Variants in LGALS13 observed in about 807,000 individuals in gnomAD.
LGALS13 encodes galactoside-binding soluble lectin 13.
A neutral mutation model predicts 13.2 loss-of-function variants in LGALS13; 11 were observed. The ratio of observed to expected loss-of-function variants is 0.83; its 90% CI spans 0.52 to 1.38. LGALS13 has a LOEUF of 1.38. Ranked by LOEUF, LGALS13 falls within the 40% of genes most tolerant of loss-of-function variation. The probability of loss-of-function intolerance (pLI) is 0.00; values close to 1 mark genes in which losing one functional copy is unlikely to be tolerated. For synonymous variants in LGALS13, 71 were observed against 63.7 expected (o/e 1.11, Z -0.54); for missense variants, 183 against 174.3 (o/e 1.05, Z -0.28).
intron 3 of LGALS13, 98 bp from the exon 4 acceptor site, chr19:39,607,125 T>A (rs1972702597): frequency 2.4e-6 from 2 of 845,278 alleles, no homozygotes; most frequent in Non-Finnish European, 4.2e-6. Flanking sequence ...ACTAGGAATT[T>A]TCTTGGGGAA....
rs766110151 is a variant in LGALS13 at position 39,602,531 on chromosome 19, T to A, written c.-38T>A. 1 of 1,609,634 alleles carries A rather than the reference T, an allele frequency of 6.2e-7. No individual in the cohort carries two copies. ...CAACTCAGAGATTCACTCAGAAGAC[T>A]GGACTCAATTCTGAAGGTCGCCAAG... On this transcript the variant is annotated 5_prime_UTR_variant, in exon 1 of 4. Transcript: ENST00000221797.
chr19:39,605,347 C>A lies in LGALS13; in HGVS notation c.262C>A (p.Gln88Lys). Residue 88 changes from glutamine to lysine, a missense_variant, in exon 3 of 4, where the codon CAA (glutamine) becomes AAA (lysine). Physicochemically the swap from Gln to Lys is moderately conservative, Grantham distance 53. Coordinates refer to ENST00000221797, the MANE Select transcript of LGALS13 (RefSeq NM_013268.3). The part of the protein sequence containing the change: ...TDYVPFEDGK[Q>K]FELCIYVHYN... ...CTACGTGCCCTTTGAGGATGGCAAA[C>A]AATTTGAGCTGTGCATCTACGTACA... 3 of 1,614,144 alleles carry A rather than the reference C, an allele frequency of 1.9e-6. No individual in the cohort carries two copies. The South Asian group carries it at 3.3e-5, about 18-fold the overall frequency.
chr19:39,602,730 T>C, intron 1 of LGALS13, 147 bp downstream of exon 1: 1 of 827,160 alleles, frequency 1.2e-6, no homozygotes, highest in Non-Finnish European at 2.1e-6. Flanking sequence ...ACCCTGAGGC[T>C]ATGGTATCTG....
At chr19:39,605,448 C>T (rs76628696) in intron 3 of LGALS13, 60 bp downstream of exon 3, 86 of 1,401,706 alleles carry the variant, frequency 6.1e-5, no homozygotes, top group Non-Finnish European at 8.7e-5. Context: ...CAGGAGGCAG[C>T]TCTCATTGAT....
rs1972707923 is a variant in LGALS13 at position 39,607,323 on chromosome 19, T to C, written c.404T>C (p.Val135Ala). ...TCGAGAGATATCTCCCTGACCTCAG[T>C]GTGTGTCTGCAATTGAGGGAGATGA... ...QVSRDISLTS[V>A]CVCN The change falls in exon 4 of 4, where the codon GTG becomes GCG. Residue 135 changes from valine (V) to alanine (A), a missense_variant. By Grantham distance (64) the Val-to-Ala change is moderately conservative (BLOSUM62 0). Transcript: ENST00000221797. The C allele has an allele frequency of 1.2e-6, 2 of 1,610,168 alleles. No individual in the cohort carries two copies. The highest frequency in any genetic ancestry group is 1.3e-5 in the African/African-American group (1 of 74,970).
intron 1 of LGALS13, among the ~76,000 whole-genome samples, chr19:39,603,286 G>T (rs923632800): frequency 6.6e-6 from 1 of 151,968 alleles, no homozygotes; most frequent in African/African-American, 2.4e-5. Flanking sequence ...GGGGGTGATG[G>T]TTCCTCAGGT....
intron 1 of LGALS13, 45 bp from the exon 2 acceptor site, chr19:39,604,557 T>C: frequency 1.9e-6 from 3 of 1,605,038 alleles, no homozygotes; most frequent in Non-Finnish European, 2.6e-6. Flanking sequence ...GAGGGGAGAC[T>C]GCACCTGACC....
intron 1 of LGALS13, 123 bp downstream of exon 1, chr19:39,602,706 G>T (rs1369831097): frequency 6.2e-6 from 6 of 973,290 alleles, no homozygotes; most frequent in South Asian, 1.3e-5. Context: ...GAGCTATTGA[G>T]GTGTGGAATA....
chr19:39,603,161 G>A (rs997406726), intron 1 of LGALS13, among the ~76,000 whole-genome samples: 1 of 152,148 alleles, frequency 6.6e-6, no homozygotes, highest in African/African-American at 2.4e-5. Flanking sequence ...TAACTGGTGG[G>A]GATCTTGGGG....
Position 39,605,343 on chromosome 19 carries a change from CA to C in LGALS13, c.261del (p.Lys87AsnfsTer16). ...TTDYVPFEDG[K>X]QFELCIYVHY... ...CAGACTACGTGCCCTTTGAGGATGG[CA>C]AACAATTTGAGCTGTGCATCTACGT... On this transcript the variant is annotated frameshift_variant, in exon 3 of 4. Coordinates refer to ENST00000221797, the MANE Select transcript of LGALS13 (RefSeq NM_013268.3). LOFTEE classifies it low-confidence loss of function (END_TRUNC). 1 of 1,614,142 alleles carries C rather than the reference CA, an allele frequency of 6.2e-7. No individual in the cohort carries two copies. Among genetic ancestry groups the C allele is most frequent in the Non-Finnish European group, 8.5e-7 (1 of 1,180,026 alleles).
At chr19:39,603,059 G>T (rs1285310747) in intron 1 of LGALS13, among the ~76,000 whole-genome samples, 1 of 152,190 alleles carries the variant, frequency 6.6e-6, no homozygotes, top group Non-Finnish European at 1.5e-5. Flanking sequence ...GGATGTGACT[G>T]TATGTTGAAG....
Position 39,604,636 on chromosome 19 carries a change from G to A in LGALS13, c.50G>A (p.Gly17Asp), listed in dbSNP as rs1291087012. The change falls in exon 2 of 4, where the codon GGT becomes GAT. Residue 17 changes from glycine (G) to aspartate (D), a missense_variant. Physicochemically the swap from Gly to Asp is moderately conservative, Grantham distance 94 (BLOSUM62 -1). Coordinates refer to ENST00000221797, the MANE Select transcript of LGALS13 (RefSeq NM_013268.3). ...AAACTGCCTGTGTCTTTGTCTGTTG[G>A]TTCCTGCGTGATAATCAAAGGGACA... Reference protein sequence around the residue: ...PYKLPVSLSVGSCVIIKGTPI... With the variant: ...PYKLPVSLSVDSCVIIKGTPI... 4 of 1,614,192 alleles carry A rather than the reference G, an allele frequency of 2.5e-6. No individual in the cohort carries two copies. Among genetic ancestry groups the A allele is most frequent in the Non-Finnish European group, 3.4e-6 (4 of 1,180,044 alleles).
chr19:39,602,661 A>G, intron 1 of LGALS13, 78 bp downstream of exon 1: 1 of 1,398,602 alleles, frequency 7.2e-7, no homozygotes, highest in Non-Finnish European at 1.0e-6. Flanking sequence ...TATGAGATGA[A>G]AATATGAGCA....
At position 39,605,317 on chromosome 19, in the gene LGALS13, A is replaced by G. The variant is rs553344096; in HGVS notation, c.232A>G (p.Thr78Ala). Residue 78 changes from threonine (T) to alanine (A), a missense_variant, in exon 3 of 4, where the codon ACA (threonine) becomes GCA (alanine). Transcript: ENST00000221797. ...TGGGATATGGATGTTGGAGGAGACA[A>G]CAGACTACGTGCCCTTTGAGGATGG... ...EFGIWMLEETTDYVPFEDGKQ... is the reference protein window; with the variant it reads ...EFGIWMLEETADYVPFEDGKQ... The G allele has an allele frequency of 1.2e-6, 2 of 1,614,112 alleles. No homozygotes were observed. The highest frequency in any genetic ancestry group is 1.3e-5 in the African/African-American group (1 of 74,944).
chr19:39,605,234 T>G lies in LGALS13; in HGVS notation c.149T>G (p.Ile50Ser). ...ACTGACATGGATGAGGATTCAGATA[T>G]TGCCTTCCGTTTCCGAGTGCACTTT... ...FYTDMDEDSD[I>S]AFRFRVHFGN... The change falls in exon 3 of 4, where the codon ATT (isoleucine) becomes AGT (serine). Residue 50 changes from isoleucine (I) to serine (S), a missense_variant. Transcript: ENST00000221797. 1 of 1,614,228 alleles carries G rather than the reference T, an allele frequency of 6.2e-7. No homozygotes were observed. Among genetic ancestry groups the G allele is most frequent in the Admixed American group, 1.7e-5 (1 of 60,032 alleles).
chr19:39,604,732 G>C (rs1007584446), intron 2 of LGALS13, 54 bp downstream of exon 2: 1 of 1,601,382 alleles, frequency 6.2e-7, no homozygotes, highest in Non-Finnish European at 8.6e-7. Context: ...GAATATTTGC[G>C]AAGATTTGAC....
chr19:39,605,533 T>G, intron 3 of LGALS13, 145 bp downstream of exon 3: 1 of 720,510 alleles, frequency 1.4e-6, no homozygotes, highest in Non-Finnish European at 2.5e-6. Context: ...GAGCACCCCC[T>G]GCTTGCACTG....
chr19:39,607,360 ATTGT>A lies in LGALS13; in HGVS notation c.*23_*26del. ...ATTGAGGGAGATGATCACACTCCTC[ATTGT>A]TGAGGAATCCCTCTTTCTACCTGAC... On this transcript the variant is annotated 3_prime_UTR_variant, in exon 4 of 4. Transcript: ENST00000221797. 4.8e-6 allele frequency: 7 copies of A among 1,461,530 alleles called. No homozygotes were observed. The highest frequency in any genetic ancestry group is 1.1e-5 in the South Asian group (1 of 88,042). 90.5% of individuals were successfully genotyped at this position (1,461,530 alleles called of 1,614,324 possible). A position where few individuals can be genotyped will look rare whatever the true frequency, so the allele number is the denominator to read the frequency against.
At chr19:39,602,635 A>C in intron 1 of LGALS13, 52 bp downstream of exon 1, 1 of 1,563,588 alleles carries the variant, frequency 6.4e-7, no homozygotes, top group Non-Finnish European at 8.8e-7. Context: ...CAAACCAAGA[A>C]AGAAATGGGA....
Sources: gnomAD v4.1 joint callset for allele counts (sites outside exome capture counted in the v4.1 genomes callset) on GRCh38, gnomAD v4.1.1 for gene constraint, MANE v1.5 for transcripts, NCBI Gene and HGNC (gene_info 2026-07-23, HGNC 2026-07-21) for gene names.